Variants in VPS13B observed in about 807,000 individuals in gnomAD.
VPS13B encodes the protein intermembrane lipid transfer protein VPS13B.
Under a neutral mutation model 426.4 loss-of-function variants are expected in VPS13B, and 285 were observed. That is an observed-to-expected ratio of 0.67 (90% CI 0.61 to 0.74). VPS13B has a LOEUF of 0.74. VPS13B is among the 30% of genes least tolerant of loss of function. VPS13B has a pLI of 0.00. For synonymous variants in VPS13B, 1,676 were observed against 1,676.4 expected (o/e 1.00, Z 0.01); for missense variants, 4,537 against 4,782.6 (o/e 0.95, Z 1.51).
chr8:99,863,853 T>G (rs1816962210), intron 58 of VPS13B, among the ~76,000 whole-genome samples: 2 of 152,162 alleles, frequency 1.3e-5, no homozygotes, highest in African/African-American at 2.4e-5. Context: ...AGATTATTAA[T>G]TCTTGGGGTA....
chr8:99,773,369 A>C (rs1811604727), intron 40 of VPS13B, among the ~76,000 whole-genome samples: 1 of 152,300 alleles, frequency 6.6e-6, no homozygotes, highest in Non-Finnish European at 1.5e-5. Flanking sequence ...CTATATTATA[A>C]AATCTTTATT....
chr8:99,671,106 T>G (rs1372585315), intron 35 of VPS13B, among the ~76,000 whole-genome samples: 1 of 152,170 alleles, frequency 6.6e-6, no homozygotes, highest in Non-Finnish European at 1.5e-5. Flanking sequence ...CCACCAACAA[T>G]GTGCAAGGAT....
At chr8:99,388,190 G>A (rs1479526802) in intron 20 of VPS13B, among the ~76,000 whole-genome samples, 3 of 152,154 alleles carry the variant, frequency 2.0e-5, no homozygotes, top group Non-Finnish European at 4.4e-5. Context: ...GTGTCTGTAA[G>A]TGAATGCAGG....
intron 19 of VPS13B, among the ~76,000 whole-genome samples, chr8:99,287,660 C>A (rs937021001): frequency 6.6e-6 from 1 of 151,552 alleles, no homozygotes; most frequent in Admixed American, 6.6e-5. Context: ...GCAAATACAC[C>A]ATAGGAAAAT....
At chr8:99,483,201 C>A (rs190596698) in intron 25 of VPS13B, among the ~76,000 whole-genome samples, 4 of 152,114 alleles carry the variant, frequency 2.6e-5, no homozygotes, top group African/African-American at 9.7e-5. Flanking sequence ...ACCCCCTGTA[C>A]AAGCAACTTT....
intron 35 of VPS13B, among the ~76,000 whole-genome samples, chr8:99,695,701 A>T (rs184354528): frequency 0.036 from 5,454 of 150,136 alleles, 93 homozygotes; most frequent in Non-Finnish European, 0.05. Context: ...AGTATAATAA[A>T]AAAAAAAAAA....
At chr8:99,387,662 C>T (rs1402732530) in intron 20 of VPS13B, among the ~76,000 whole-genome samples, 2 of 151,892 alleles carry the variant, frequency 1.3e-5, no homozygotes, top group African/African-American at 2.4e-5. Context: ...CATGGAAAAT[C>T]GAGAGAATTG....
At chr8:99,169,064 T>C (rs1013201045) in intron 15 of VPS13B, among the ~76,000 whole-genome samples, 5 of 151,948 alleles carry the variant, frequency 3.3e-5, no homozygotes, top group African/African-American at 1.2e-4. Flanking sequence ...TTGAAATCAG[T>C]TATGAAGAAA....
chr8:99,614,855 C>T (rs533749302), intron 33 of VPS13B, among the ~76,000 whole-genome samples: 20 of 151,990 alleles, frequency 1.3e-4, no homozygotes, highest in Non-Finnish European at 2.1e-4. Flanking sequence ...CGGTGGCTCA[C>T]GCCTGTAATC....
intron 16 of VPS13B, among the ~76,000 whole-genome samples, chr8:99,180,450 T>G (rs1812885028): frequency 6.6e-6 from 1 of 152,132 alleles, no homozygotes; most frequent in Non-Finnish European, 1.5e-5. Flanking sequence ...TCTGAAGAGG[T>G]AGAGCCAACA....
intron 36 of VPS13B, among the ~76,000 whole-genome samples, chr8:99,706,857 A>G (rs1257939561): frequency 1.3e-5 from 2 of 152,176 alleles, no homozygotes; most frequent in African/African-American, 4.8e-5. Context: ...GATTAGAAGT[A>G]AATCTCTATC....
intron 19 of VPS13B, among the ~76,000 whole-genome samples, chr8:99,303,258 CAAAAAAA>C (rs757187342): frequency 7.9e-4 from 45 of 57,306 alleles, no homozygotes; most frequent in Admixed American, 2.2e-3. Flanking sequence ...CAGCCTGTCT[CAAAAAAA>C]AAAAAAAAAA....
At chr8:99,544,988 G>C (rs754504258) in intron 30 of VPS13B, among the ~76,000 whole-genome samples, 1 of 152,108 alleles carries the variant, frequency 6.6e-6, no homozygotes, top group Non-Finnish European at 1.5e-5. Context: ...TTTGTGCTCT[G>C]AACCACTACA....
intron 43 of VPS13B, among the ~76,000 whole-genome samples, chr8:99,791,399 G>A (rs975134679): frequency 1.2e-4 from 18 of 152,154 alleles, no homozygotes; most frequent in African/African-American, 3.6e-4. Context: ...GTCTGGCAGA[G>A]TTGTGTTCTC....
chr8:99,213,941 ACT>A (rs1815250597), intron 17 of VPS13B, among the ~76,000 whole-genome samples: 1 of 150,642 alleles, frequency 6.6e-6, no homozygotes, highest in South Asian at 2.1e-4. Flanking sequence ...CTTAATTCCA[ACT>A]CTCTGGATGT....
At chr8:99,533,357 C>T (rs1823031687) in intron 30 of VPS13B, among the ~76,000 whole-genome samples, 1 of 152,144 alleles carries the variant, frequency 6.6e-6, no homozygotes, top group African/African-American at 2.4e-5. Flanking sequence ...TTGCAAGTGA[C>T]ATAATTGTTT....
intron 4 of VPS13B, among the ~76,000 whole-genome samples, chr8:99,097,283 TTA>T (rs963942266): frequency 2.9e-4 from 44 of 152,314 alleles, no homozygotes; most frequent in African/African-American, 8.7e-4. Flanking sequence ...TAGCTGATGT[TTA>T]TATTTTATTA....
chr8:99,059,730 CTT>C (rs34620587), intron 3 of VPS13B, among the ~76,000 whole-genome samples: 15 of 110,170 alleles, frequency 1.4e-4, no homozygotes, highest in African/African-American at 4.6e-4. Context: ...TTAGCTTCTG[CTT>C]TTTTTTTTTT....
intron 51 of VPS13B, among the ~76,000 whole-genome samples, chr8:99,831,767 T>C (rs1375035758): frequency 2.0e-5 from 3 of 152,228 alleles, no homozygotes; most frequent in African/African-American, 7.2e-5. Context: ...TAGAGATGAT[T>C]TAAGTTATAC....
Sources: allele counts gnomAD v4.1 joint callset (sites outside exome capture counted in the v4.1 genomes callset), GRCh38; gene constraint gnomAD v4.1.1; transcripts MANE v1.5; gene names NCBI Gene and HGNC (gene_info 2026-07-23, HGNC 2026-07-21).